RBM17: variants seen among roughly 807,000 people sequenced by gnomAD.
The protein encoded by RBM17 is RNA binding motif protein 17.
Under a neutral mutation model 53.2 loss-of-function variants are expected in RBM17, and 7 were observed. The observed-to-expected ratio is 0.13, with a 90% CI of 0.07 to 0.25. The LOEUF (loss-of-function observed/expected upper bound fraction) is 0.25. Among genes scored for constraint, RBM17 ranks in the 10% least tolerant of loss-of-function variants. The pLI is 1.00. For synonymous variants in RBM17, 167 were observed against 178.1 expected (o/e 0.94, Z 0.50); for missense variants, 257 against 496.7 (o/e 0.52, Z 4.59).
At chr10:6,101,791 T>G (rs573218623) in intron 3 of RBM17, among the ~76,000 whole-genome samples, 227 of 152,364 alleles carry the variant, frequency 1.5e-3, no homozygotes, top group African/African-American at 5.0e-3. Context: ...TGTATATAGA[T>G]GGACTATAAT....
At chr10:6,104,681 C>G (rs1328099660) in intron 3 of RBM17, among the ~76,000 whole-genome samples, 2 of 152,074 alleles carry the variant, frequency 1.3e-5, no homozygotes, top group East Asian at 3.8e-4. Flanking sequence ...TTTAGGAATT[C>G]CAGGAAAAAT....
chr10:6,098,171 G>A (rs1405383091), intron 2 of RBM17, among the ~76,000 whole-genome samples: 1 of 152,168 alleles, frequency 6.6e-6, no homozygotes, highest in Admixed American at 6.5e-5. Context: ...TCTAGAGTAT[G>A]CATTCGTAAT....
chr10:6,105,166 G>C, intron 4 of RBM17, 69 bp downstream of exon 4: 1 of 1,410,438 alleles, frequency 7.1e-7, no homozygotes, highest in South Asian at 1.3e-5. Flanking sequence ...ACGAATGAGC[G>C]TCGCTGCTGT....
At position 6,101,353 on chromosome 10, in the gene RBM17, T is replaced by C; in HGVS notation, c.206T>C (p.Val69Ala). ...GGCTCCTCAGATGACCGGCAAATTG[T>C]GGACACTCCACCGCATGTAGCAGCT... is the stretch of plus-strand genomic sequence containing the variant. The part of the protein sequence containing the change: ...RGGSSDDRQI[V>A]DTPPHVAAGL... The change falls in exon 3 of 12, where the codon GTG becomes GCG. Residue 69 changes from valine (V) to alanine (A), a missense_variant. Transcript: ENST00000379888. 1 of 1,613,620 alleles carries C rather than the reference T, an allele frequency of 6.2e-7. No individual in the cohort carries two copies. Among genetic ancestry groups the C allele is most frequent in the Non-Finnish European group, 8.5e-7 (1 of 1,179,812 alleles).
chr10:6,097,601 G>A (rs1047396616), intron 2 of RBM17, among the ~76,000 whole-genome samples: 1 of 152,204 alleles, frequency 6.6e-6, no homozygotes, highest in Admixed American at 6.5e-5. Context: ...AACCCGGGAG[G>A]CAGAGCTTGC....
In RBM17 at chr10:6,098,563, G is replaced by GTTTTTTTT. The variant is rs398012715; in HGVS notation, c.123+1398_123+1405dup. Among the ~76,000 whole-genome samples, 126 of 46,614 alleles carry GTTTTTTTT rather than the reference G, an allele frequency of 2.7e-3. 4 individuals are homozygous for GTTTTTTTT. The highest frequency in any genetic ancestry group is 5.8e-3 in the African/African-American group (73 of 12,564). 30.6% of individuals were successfully genotyped at this position (46,614 alleles called of 152,430 possible). ...AATTTCCGTAATACACAGGTTTTTT[G>GTTTTTTTT]TTTTTTTTTTTTTTTTTTTTTTTTT... On this transcript the variant is annotated intron_variant, in intron 2 of 11. Coordinates refer to ENST00000379888, the MANE Select transcript of RBM17 (RefSeq NM_032905.5).
intron 7 of RBM17, among the ~76,000 whole-genome samples, chr10:6,111,371 G>A (rs1362547140): frequency 2.0e-5 from 3 of 152,200 alleles, no homozygotes; most frequent in Non-Finnish European, 2.9e-5. Context: ...ATGGAGTCTC[G>A]CTCTGTCGCC....
At chr10:6,098,448 C>T (rs536816956) in intron 2 of RBM17, among the ~76,000 whole-genome samples, 1 of 150,618 alleles carries the variant, frequency 6.6e-6, no homozygotes, top group South Asian at 2.1e-4. Flanking sequence ...GAGGGAAGAA[C>T]AGAACTACCC....
At chr10:6,113,979 T>G in intron 9 of RBM17, 70 bp from the exon 10 acceptor site, 1 of 990,850 alleles carries the variant, frequency 1.0e-6, no homozygotes, top group Non-Finnish European at 1.6e-6. Context: ...CTAAGTCATA[T>G]TTATATACCT....
chr10:6,098,556 G>GGTTTTTGTTTTTTTTTT (rs1840613398), intron 2 of RBM17, among the ~76,000 whole-genome samples: 8 of 87,970 alleles, frequency 9.1e-5, no homozygotes, highest in East Asian at 6.9e-4. Flanking sequence ...TAATACACAG[G>GGTTTTTGTTTTTTTTTT]TTTTTTGTTT....
intron 6 of RBM17, among the ~76,000 whole-genome samples, chr10:6,109,687 G>A (rs1056060658): frequency 6.6e-6 from 1 of 152,076 alleles, no homozygotes; most frequent in Non-Finnish European, 1.5e-5. Flanking sequence ...ACATCTTTCC[G>A]GCAAGAATAT....
chr10:6,113,286 C>A, intron 8 of RBM17: 2 of 417,170 alleles, frequency 4.8e-6, no homozygotes, highest in Non-Finnish European at 4.3e-6. Context: ...CTCAAAACAT[C>A]CAGATGCTAT....
At chr10:6,101,896 G>C (rs1840674842) in intron 3 of RBM17, among the ~76,000 whole-genome samples, 1 of 151,902 alleles carries the variant, frequency 6.6e-6, no homozygotes, top group Non-Finnish European at 1.5e-5. Flanking sequence ...TTAAAACAGA[G>C]AAAGGGGTTT....
At chr10:6,104,736 T>G (rs1840721930) in intron 3 of RBM17, among the ~76,000 whole-genome samples, 195 bp from the exon 4 acceptor site, 1 of 152,152 alleles carries the variant, frequency 6.6e-6, no homozygotes, top group Non-Finnish European at 1.5e-5. Context: ...GAGGTGAAAT[T>G]TTGTGTCCTG....
chr10:6,113,914 C>A, intron 9 of RBM17, 135 bp from the exon 10 acceptor site: 1 of 634,310 alleles, frequency 1.6e-6, no homozygotes, highest in Non-Finnish European at 2.8e-6. Flanking sequence ...CTTTTGGGTA[C>A]TTTGGGGATG....
intron 1 of RBM17, among the ~76,000 whole-genome samples, chr10:6,092,041 A>T (rs937427947): frequency 6.6e-6 from 1 of 152,248 alleles, no homozygotes; most frequent in Admixed American, 6.5e-5. Flanking sequence ...CTTCTGGCAG[A>T]ACCATGTTTG....
At chr10:6,098,286 C>T (rs143304979) in intron 2 of RBM17, among the ~76,000 whole-genome samples, 211 of 152,060 alleles carry the variant, frequency 1.4e-3, no homozygotes, top group African/African-American at 4.8e-3. Flanking sequence ...ATTTCATGTG[C>T]GGGAGAAAAT....
chr10:6,108,405 G>GC, intron 5 of RBM17: 1 of 444,578 alleles, frequency 2.2e-6, no homozygotes, highest in Admixed American at 4.3e-5. Context: ...TGGTTGTATT[G>GC]TTTTGCCTTA....
chr10:6,103,588 T>C (rs568747615), intron 3 of RBM17, among the ~76,000 whole-genome samples: 12 of 152,340 alleles, frequency 7.9e-5, no homozygotes, highest in South Asian at 2.1e-4. Flanking sequence ...TGAATACAAA[T>C]GTATAACTAA....
Sources: gnomAD v4.1 joint callset for allele counts (sites outside exome capture counted in the v4.1 genomes callset) on GRCh38, gnomAD v4.1.1 for gene constraint, MANE v1.5 for transcripts, NCBI Gene and HGNC (gene_info 2026-07-23, HGNC 2026-07-21) for gene names.